Variants in CEP192 observed in about 807,000 individuals in gnomAD.
CEP192 encodes the protein centrosomal protein of 192 kDa.
Under a neutral mutation model 271.8 loss-of-function variants are expected in CEP192, and 151 were observed. That is an observed-to-expected ratio of 0.56 (90% confidence interval 0.49 to 0.64). The LOEUF (loss-of-function observed/expected upper bound fraction) is 0.64. CEP192 is among the 30% of genes least tolerant of loss of function. The pLI, the probability that CEP192 is intolerant of heterozygous loss-of-function variation, is 0.00. For missense variants in CEP192, 2,910 were observed against 3,020.5 expected, an observed-to-expected ratio of 0.96 and a Z score of 0.86; for synonymous variants, 995 against 1,076.5, an observed-to-expected ratio of 0.92 and a Z score of 1.48.
chr18:13,052,988 C>G lies in CEP192; in HGVS notation c.3087C>G (p.Pro1029=). The part of the protein sequence containing the change: ...QQPPCEQELS[P]LVCSPAGVSR... ...CTCCCTGTGAGCAGGAGTTGTCTCC[C>G]TTGGTGTGCTCGCCTGCTGGGGTGA... The change falls in exon 18 of 45, where the codon CCC becomes CCG. Residue 1029 remains proline (P), a synonymous_variant. Coordinates refer to ENST00000506447, the MANE Select transcript of CEP192 (RefSeq NM_032142.4). 2 of 1,613,900 alleles carry G rather than the reference C, an allele frequency of 1.2e-6. No homozygotes were observed. Among genetic ancestry groups the G allele is most frequent in the Non-Finnish European group, 1.7e-6 (2 of 1,179,858 alleles).
intron 18 of CEP192, among the ~76,000 whole-genome samples, chr18:13,053,470 CG>C (rs931093109): frequency 2.6e-5 from 4 of 152,048 alleles, no homozygotes; most frequent in African/African-American, 9.7e-5. Flanking sequence ...AGTTAGGCAG[CG>C]GGGAAGCAGA....
chr18:13,050,061 C>CTT (rs66693904), intron 17 of CEP192, among the ~76,000 whole-genome samples, 170 bp downstream of exon 17: 64 of 148,212 alleles, frequency 4.3e-4, no homozygotes, highest in African/African-American at 1.5e-3. Context: ...TTGTATATTG[C>CTT]TTTTTTTTTT....
At chr18:13,067,386 T>A (rs969381195) in intron 21 of CEP192, among the ~76,000 whole-genome samples, 1 of 152,088 alleles carries the variant, frequency 6.6e-6, no homozygotes, top group African/African-American at 2.4e-5. Context: ...GGGAAGTGAG[T>A]CTGTCATGAT....
At chr18:13,010,147 A>G (rs2034250421) in intron 4 of CEP192, among the ~76,000 whole-genome samples, 1 of 152,180 alleles carries the variant, frequency 6.6e-6, no homozygotes, top group South Asian at 2.1e-4. Flanking sequence ...TATCTCAAAA[A>G]TAAATAAATA....
intron 34 of CEP192, 104 bp from the exon 35 acceptor site, chr18:13,095,399 A>T: frequency 1.2e-6 from 1 of 867,738 alleles, no homozygotes; most frequent in South Asian, 1.7e-5. Flanking sequence ...TTTTAGATTT[A>T]TGAAGAATAT....
intron 19 of CEP192, among the ~76,000 whole-genome samples, chr18:13,056,934 T>C (rs2037138511): frequency 6.6e-6 from 1 of 152,240 alleles, no homozygotes; most frequent in Admixed American, 6.5e-5. Flanking sequence ...TATCTCTCTT[T>C]TGCTCTGCCA....
At chr18:13,114,372 A>G in intron 42 of CEP192, 121 bp downstream of exon 42, 1 of 1,022,336 alleles carries the variant, frequency 9.8e-7, no homozygotes. Context: ...CAACCAAGAT[A>G]CAGAATATTC....
intron 1 of CEP192, among the ~76,000 whole-genome samples, chr18:12,998,502 C>T (rs2033401941): frequency 6.6e-6 from 1 of 152,110 alleles, no homozygotes; most frequent in Non-Finnish European, 1.5e-5. Context: ...TGGGATAATA[C>T]CTACATTGTA....
chr18:13,025,065 C>T (rs76660443), intron 9 of CEP192, among the ~76,000 whole-genome samples: 1 of 152,288 alleles, frequency 6.6e-6, no homozygotes, highest in Non-Finnish European at 1.5e-5. Flanking sequence ...ACCCACTGCA[C>T]CCAGCCAGTT....
intron 1 of CEP192, among the ~76,000 whole-genome samples, chr18:12,996,280 A>T (rs558979869): frequency 1.3e-5 from 2 of 152,184 alleles, no homozygotes; most frequent in African/African-American, 2.4e-5. Flanking sequence ...AGAGATTTGC[A>T]TAGGGATTGC....
chr18:13,057,448 T>C (rs992672702), intron 19 of CEP192, 137 bp from the exon 20 acceptor site: 2 of 866,378 alleles, frequency 2.3e-6, no homozygotes, highest in African/African-American at 3.4e-5. Flanking sequence ...CATCAAGGAC[T>C]CCTTCATCTG....
chr18:13,121,568 T>G (rs2040660849), intron 44 of CEP192, among the ~76,000 whole-genome samples: 1 of 152,276 alleles, frequency 6.6e-6, no homozygotes, highest in Non-Finnish European at 1.5e-5. Context: ...AAGGAAACAT[T>G]ACTAACAGGT....
intron 11 of CEP192, among the ~76,000 whole-genome samples, chr18:13,034,917 C>T (rs2035836702): frequency 6.6e-6 from 1 of 151,846 alleles, no homozygotes; most frequent in Non-Finnish European, 1.5e-5. Flanking sequence ...TGCTGCATTG[C>T]TGCCGCTTAT....
chr18:12,996,797 G>A (rs2033274191), intron 1 of CEP192, among the ~76,000 whole-genome samples: 1 of 152,188 alleles, frequency 6.6e-6, no homozygotes, highest in African/African-American at 2.4e-5. Flanking sequence ...AGGACCGGAG[G>A]TAGATTATAG....
Position 12,999,439 on chromosome 18 carries a change from A to C in CEP192, c.15A>C (p.Arg5=). 1 of 1,544,978 alleles carries C rather than the reference A, an allele frequency of 6.5e-7. No individual in the cohort carries two copies. Among genetic ancestry groups the C allele is most frequent in the Non-Finnish European group, 8.7e-7 (1 of 1,144,706 alleles). The change falls in exon 2 of 45, where the codon CGA becomes CGC. Residue 5 remains arginine (R), a synonymous_variant. Coordinates refer to ENST00000506447, the MANE Select transcript of CEP192 (RefSeq NM_032142.4). The part of the protein sequence containing the change: MEDF[R]GIAEESFPSF... ...ATTGCAGTGAGATGGAAGATTTTCGAGGTATAGCAGAAGAATCATTTCCAA... is the reference window on the plus strand; with the variant it reads ...ATTGCAGTGAGATGGAAGATTTTCGCGGTATAGCAGAAGAATCATTTCCAA...
At chr18:13,039,627 A>G (rs1013651937) in intron 13 of CEP192, among the ~76,000 whole-genome samples, 3 of 152,182 alleles carry the variant, frequency 2.0e-5, no homozygotes, top group Non-Finnish European at 2.9e-5. Context: ...GTAGGCAGGT[A>G]TGAAGGGAGA....
intron 4 of CEP192, among the ~76,000 whole-genome samples, chr18:13,012,304 C>G (rs2034408183): frequency 6.6e-6 from 1 of 152,050 alleles, no homozygotes; most frequent in African/African-American, 2.4e-5. Flanking sequence ...TTGTATGTAT[C>G]AATTAAAAAA....
chr18:13,059,495 T>A (rs473580), intron 21 of CEP192, among the ~76,000 whole-genome samples, 183 bp downstream of exon 21: 107,773 of 152,188 alleles, frequency 0.71, 39,356 homozygotes, highest in African/African-American at 0.89. Context: ...AGTTTTACAG[T>A]AACACAAGTA....
At chr18:13,075,377 C>G (rs1309645475) in intron 30 of CEP192, among the ~76,000 whole-genome samples, 1 of 152,096 alleles carries the variant, frequency 6.6e-6, no homozygotes. Flanking sequence ...ACAATCCTGA[C>G]CAACATGGTG....
Sources: allele counts gnomAD v4.1 joint callset (sites outside exome capture counted in the v4.1 genomes callset), GRCh38; gene constraint gnomAD v4.1.1; transcripts MANE v1.5; gene names NCBI Gene and HGNC (gene_info 2026-07-23, HGNC 2026-07-21).